Variants in SRPK2 observed in about 807,000 individuals in gnomAD.
The protein encoded by SRPK2 is SFRS protein kinase 2.
A neutral mutation model predicts 90.8 loss-of-function variants in SRPK2; 21 were observed. That is an observed-to-expected ratio of 0.23 (90% CI 0.16 to 0.33). The LOEUF (loss-of-function observed/expected upper bound fraction) is 0.33. Ranked by LOEUF, SRPK2 falls within the 10% of genes least tolerant of loss-of-function variation. The pLI, the probability that SRPK2 is intolerant of heterozygous loss-of-function variation, is 1.00. For missense variants in SRPK2, 620 were observed against 869.0 expected, an observed-to-expected ratio of 0.71 and a Z score of 3.60; for synonymous variants, 288 against 311.1, an observed-to-expected ratio of 0.93 and a Z score of 0.78.
chr7:105,146,291 G>A (rs373399966), intron 8 of SRPK2, among the ~76,000 whole-genome samples: 6 of 152,202 alleles, frequency 3.9e-5, no homozygotes, highest in African/African-American at 1.4e-4. Flanking sequence ...CCTTTTAAAG[G>A]GGGACAAAAG....
intron 2 of SRPK2, among the ~76,000 whole-genome samples, chr7:105,319,702 T>C (rs1812721590): frequency 6.6e-6 from 1 of 152,136 alleles, no homozygotes; most frequent in Non-Finnish European, 1.5e-5. Context: ...TATGCGCCTG[T>C]AAATACAGCT....
chr7:105,311,427 T>A (rs1199130434), intron 2 of SRPK2, among the ~76,000 whole-genome samples: 1 of 152,142 alleles, frequency 6.6e-6, no homozygotes, highest in Non-Finnish European at 1.5e-5. Flanking sequence ...AGAGACAGGT[T>A]TCACCATGTT....
chr7:105,238,750 T>G (rs529016018), intron 2 of SRPK2, among the ~76,000 whole-genome samples: 1 of 49,396 alleles, frequency 2.0e-5, no homozygotes, highest in South Asian at 5.1e-4. Context: ...TTCTGAAAAT[T>G]TGTTCTGTGT....
chr7:105,331,308 C>CCAAAAAAAA (rs1814311283), intron 2 of SRPK2, among the ~76,000 whole-genome samples: 1 of 45,108 alleles, frequency 2.2e-5, no homozygotes, highest in Non-Finnish European at 3.8e-5. Context: ...GACTCCGTCT[C>CCAAAAAAAA]AAAAAAAAAA....
chr7:105,120,005 T>G (rs1156463661), intron 15 of SRPK2, among the ~76,000 whole-genome samples: 1 of 152,246 alleles, frequency 6.6e-6, no homozygotes, highest in Non-Finnish European at 1.5e-5. Flanking sequence ...CACAAGATTA[T>G]TAAAATGCTC....
chr7:105,178,028 CAAAA>C (rs748165970), intron 3 of SRPK2, among the ~76,000 whole-genome samples: 3 of 57,102 alleles, frequency 5.3e-5, no homozygotes, highest in South Asian at 5.9e-4. Flanking sequence ...GACTCCGTCT[CAAAA>C]AAAAAAAAAA....
At chr7:105,300,693 A>G (rs1585611642) in intron 2 of SRPK2, among the ~76,000 whole-genome samples, 2 of 152,212 alleles carry the variant, frequency 1.3e-5, no homozygotes, top group East Asian at 3.8e-4. Flanking sequence ...ACCACATCAA[A>G]AAGTGGGCAA....
At chr7:105,354,411 C>G (rs1475726258) in intron 2 of SRPK2, among the ~76,000 whole-genome samples, 1 of 152,164 alleles carries the variant, frequency 6.6e-6, no homozygotes, top group East Asian at 1.9e-4. Context: ...GGTCCTTTCC[C>G]CTAACGAATC....
intron 6 of SRPK2, among the ~76,000 whole-genome samples, chr7:105,164,112 A>G (rs1808146002): frequency 6.6e-6 from 1 of 152,232 alleles, no homozygotes; most frequent in Non-Finnish European, 1.5e-5. Flanking sequence ...CAATCAAAGC[A>G]ATAACTACCA....
intron 3 of SRPK2, among the ~76,000 whole-genome samples, chr7:105,202,827 C>T (rs939502458): frequency 6.6e-6 from 1 of 152,150 alleles, no homozygotes; most frequent in Non-Finnish European, 1.5e-5. Flanking sequence ...ACAATAAACG[C>T]TATGTAATTC....
At chr7:105,379,178 C>T (rs1485219721) in intron 2 of SRPK2, among the ~76,000 whole-genome samples, 1 of 151,454 alleles carries the variant, frequency 6.6e-6, no homozygotes, top group Non-Finnish European at 1.5e-5. Flanking sequence ...TATATAAAGT[C>T]AGCCCTCTGA....
At chr7:105,175,480 T>G (rs1337572916) in intron 3 of SRPK2, among the ~76,000 whole-genome samples, 1 of 151,778 alleles carries the variant, frequency 6.6e-6, no homozygotes, top group Non-Finnish European at 1.5e-5. Flanking sequence ...ATAGCAAACT[T>G]AACCCAAAGC....
At chr7:105,133,250 G>A (rs1464940470) in intron 11 of SRPK2, 146 bp from the exon 12 acceptor site, 30 of 762,822 alleles carry the variant, frequency 3.9e-5, no homozygotes, top group Non-Finnish European at 6.2e-5. Flanking sequence ...AAACTTGACA[G>A]AACTAAAATT....
chr7:105,373,195 C>T (rs1396059883), intron 2 of SRPK2, among the ~76,000 whole-genome samples: 1 of 152,052 alleles, frequency 6.6e-6, no homozygotes, highest in African/African-American at 2.4e-5. Flanking sequence ...CCTATACCAA[C>T]TAATGAAATA....
In SRPK2 at chr7:105,343,043, T is replaced by C. The variant is rs533287380; in HGVS notation, c.71+45605A>G. Among the ~76,000 whole-genome samples the C allele has an allele frequency of 1.6e-4, 25 of 152,302 alleles. No individual in the cohort carries two copies. In the South Asian group the frequency reaches 4.4e-3, roughly 27 times the overall value. ...ATGTGTTCACAAGTTAAATAAAAGTTTGCAGATAAGTGGTAAGAGATGGTA... is the reference window on the plus strand; with the variant it reads ...ATGTGTTCACAAGTTAAATAAAAGTCTGCAGATAAGTGGTAAGAGATGGTA... On this transcript the variant is annotated intron_variant, in intron 2 of 15. Coordinates refer to ENST00000393651, the MANE Select transcript of SRPK2 (RefSeq NM_182692.3).
chr7:105,182,175 G>A (rs1314655154), intron 3 of SRPK2, among the ~76,000 whole-genome samples: 2 of 141,864 alleles, frequency 1.4e-5, no homozygotes, highest in Admixed American at 1.5e-4. Flanking sequence ...AGGTTGCAGT[G>A]AGCCAAGATC....
At chr7:105,289,100 C>CAAAAA (rs57131530) in intron 2 of SRPK2, among the ~76,000 whole-genome samples, 3 of 86,656 alleles carry the variant, frequency 3.5e-5, no homozygotes, top group African/African-American at 4.6e-5. Flanking sequence ...ACTTAAAGCA[C>CAAAAA]AAAAAAAAAA....
intron 3 of SRPK2, among the ~76,000 whole-genome samples, chr7:105,179,706 T>C (rs1394005913): frequency 6.7e-6 from 1 of 149,492 alleles, no homozygotes; most frequent in Non-Finnish European, 1.5e-5. Flanking sequence ...ATGCCTTTAA[T>C]CCTAGCTACT....
chr7:105,147,962 T>C (rs1053015241), intron 7 of SRPK2, among the ~76,000 whole-genome samples: 10 of 152,230 alleles, frequency 6.6e-5, no homozygotes, highest in Non-Finnish European at 1.2e-4. Flanking sequence ...AATACTGCTA[T>C]TCACACTCGT....
Sources: gnomAD v4.1 joint callset for allele counts (sites outside exome capture counted in the v4.1 genomes callset) on GRCh38, gnomAD v4.1.1 for gene constraint, MANE v1.5 for transcripts, NCBI Gene and HGNC (gene_info 2026-07-23, HGNC 2026-07-21) for gene names.